UGT1A9: variants seen among roughly 807,000 people sequenced by gnomAD.
UGT1A9 encodes the protein UDP glucuronosyltransferase family 1 member A9.
Under a neutral mutation model 45.0 loss-of-function variants are expected in UGT1A9, and 35 were observed. The ratio of observed to expected loss-of-function variants is 0.78; its 90% CI spans 0.59 to 1.03. The LOEUF is 1.03. Among genes scored for constraint, UGT1A9 ranks in the 50% least tolerant of loss-of-function variants. The pLI is 0.00. For synonymous variants in UGT1A9, 278 were observed against 250.6 expected, an observed-to-expected ratio of 1.11 and a Z score of -1.03; for missense variants, 687 against 666.6, an observed-to-expected ratio of 1.03 and a Z score of -0.34.
At chr2:233,677,609 G>A (rs2125511914) in intron 1 of UGT1A9, among the ~76,000 whole-genome samples, 1 of 152,086 alleles carries the variant, frequency 6.6e-6, no homozygotes, top group Middle Eastern at 3.4e-3. Flanking sequence ...GAAAAATGAA[G>A]ATGAAAACCA....
rs140117903 is a variant in UGT1A9, at chr2:233,736,068, T to A, written c.856-30966T>A. On this transcript the variant is annotated intron_variant, in intron 1 of 4. Transcript: ENST00000354728. ...TTGAATGTTGGCCTGCCTTGCTAGG[T>A]TTGGGAAGTTCTCCTGGATAATATC... Among the ~76,000 whole-genome samples, 1,506 of 152,332 alleles carry A rather than the reference T, an allele frequency of 9.9e-3. 21 individuals carry two copies. Among genetic ancestry groups the A allele is most frequent in the African/African-American group, 0.035 (1,437 of 41,570 alleles).
intron 4 of UGT1A9, among the ~76,000 whole-genome samples, chr2:233,768,740 G>A (rs6431630): frequency 0.18 from 26,721 of 151,438 alleles, 3,378 homozygotes; most frequent in African/African-American, 0.35. Context: ...CCACCACCAC[G>A]CCCGGTTAAT....
In UGT1A9 at chr2:233,733,060, C is replaced by G. The variant is rs187398935; in HGVS notation, c.856-33974C>G. Among the ~76,000 whole-genome samples the G allele has an allele frequency of 7.2e-5, 11 of 152,200 alleles. No individual in the cohort carries two copies. The East Asian group carries it at 2.1e-3, about 29-fold the overall frequency. ...AAGTTGGATTCCTAGGTATTTTATT[C>G]TCTTTGTAGCAATTGTGAATGGGAG... is the stretch of plus-strand genomic sequence containing the variant. On this transcript the variant is annotated intron_variant, in intron 1 of 4. Transcript: ENST00000354728.
chr2:233,766,051 C>T (rs552293215), intron 1 of UGT1A9, among the ~76,000 whole-genome samples: 2 of 152,294 alleles, frequency 1.3e-5, no homozygotes, highest in African/African-American at 2.4e-5. Flanking sequence ...CTTGTGTTAA[C>T]CAGCTCAATT....
intron 1 of UGT1A9, chr2:233,743,191 C>T (rs1334858681): frequency 2.7e-6 from 1 of 376,140 alleles, no homozygotes; most frequent in East Asian, 7.3e-5. Flanking sequence ...ACTGGAATTA[C>T]TTGGTGTCAA....
At chr2:233,730,253 A>G (rs1350953092) in intron 1 of UGT1A9, among the ~76,000 whole-genome samples, 3 of 152,152 alleles carry the variant, frequency 2.0e-5, no homozygotes, top group Non-Finnish European at 4.4e-5. Context: ...TGTGACTCAT[A>G]GAGACTGTTG....
chr2:233,730,924 C>G (rs2078090552), intron 1 of UGT1A9, among the ~76,000 whole-genome samples: 1 of 152,176 alleles, frequency 6.6e-6, no homozygotes, highest in Non-Finnish European at 1.5e-5. Context: ...AGGCAGCTTT[C>G]ATTAATCCAG....
chr2:233,703,623 A>G (rs971419839), intron 1 of UGT1A9, among the ~76,000 whole-genome samples: 1 of 151,992 alleles, frequency 6.6e-6, no homozygotes, highest in Non-Finnish European at 1.5e-5. Flanking sequence ...AGTCTATTTT[A>G]TCTGATATTA....
intron 4 of UGT1A9, chr2:233,771,640 G>C (rs183876140): frequency 4.5e-4 from 68 of 152,464 alleles, no homozygotes; most frequent in African/African-American, 1.6e-3. Context: ...TTATTTTACT[G>C]TATGAAAATA....
At chr2:233,731,661 C>T (rs2078189507) in intron 1 of UGT1A9, among the ~76,000 whole-genome samples, 1 of 152,192 alleles carries the variant, frequency 6.6e-6, no homozygotes, top group South Asian at 2.1e-4. Flanking sequence ...ATATGTGCCA[C>T]ATTTTCTTAA....
intron 1 of UGT1A9, chr2:233,760,271 G>GC: frequency 2.5e-6 from 4 of 1,612,226 alleles, no homozygotes; most frequent in Non-Finnish European, 3.4e-6. Context: ...CGAACCTCTG[G>GC]CAGGAGCAAA....
intron 1 of UGT1A9, chr2:233,743,283 G>A: frequency 2.0e-6 from 1 of 501,770 alleles, no homozygotes. Context: ...CCCTTTCTTG[G>A]CCATTCTCAA....
chr2:233,772,866 T>C lies in UGT1A9; in HGVS notation c.*307T>C. ...TTTTCTTACTCTGAAACATGGCCTGTTTGGGAGTGCGGGATTCAAAGGTGG... is the reference window on the plus strand; with the variant it reads ...TTTTCTTACTCTGAAACATGGCCTGCTTGGGAGTGCGGGATTCAAAGGTGG... On this transcript the variant is annotated 3_prime_UTR_variant, in exon 5 of 5. Transcript: ENST00000354728. 1 of 650,978 alleles carries C rather than the reference T, an allele frequency of 1.5e-6. No homozygotes were observed. The highest frequency in any genetic ancestry group is 2.3e-6 in the Non-Finnish European group (1 of 438,192). 40.3% of individuals were successfully genotyped at this position (650,978 alleles called of 1,614,324 possible). A position where few individuals can be genotyped will look rare whatever the true frequency, so the allele number is the denominator to read the frequency against.
chr2:233,712,529 C>A (rs1162608950), intron 1 of UGT1A9, among the ~76,000 whole-genome samples: 3 of 152,310 alleles, frequency 2.0e-5, no homozygotes, highest in Middle Eastern at 3.4e-3. Flanking sequence ...TGCTGTGTTA[C>A]CCATATGTGG....
intron 1 of UGT1A9, among the ~76,000 whole-genome samples, chr2:233,674,127 T>C (rs998986174): frequency 5.9e-5 from 9 of 152,216 alleles, no homozygotes; most frequent in Non-Finnish European, 1.2e-4. Context: ...TCTATTGTTC[T>C]GGCTCCTTAC....
chr2:233,678,981 G>C (rs369461061), intron 1 of UGT1A9, among the ~76,000 whole-genome samples: 1 of 152,188 alleles, frequency 6.6e-6, no homozygotes, highest in Non-Finnish European at 1.5e-5. Flanking sequence ...GGCTTTCAAA[G>C]CTCTTTCTAT....
intron 1 of UGT1A9, among the ~76,000 whole-genome samples, chr2:233,764,026 T>C (rs980223655): frequency 5.3e-5 from 8 of 152,158 alleles, no homozygotes; most frequent in African/African-American, 1.9e-4. Flanking sequence ...GGTGTCTAAG[T>C]GCTAAAGAAG....
At chr2:233,704,603 G>T (rs1341445338) in intron 1 of UGT1A9, among the ~76,000 whole-genome samples, 1 of 152,070 alleles carries the variant, frequency 6.6e-6, no homozygotes, top group African/African-American at 2.4e-5. Context: ...AGAAGAGCAA[G>T]TATGTATTTA....
chr2:233,768,048 T>A, intron 3 of UGT1A9, 112 bp downstream of exon 3: 1 of 1,607,556 alleles, frequency 6.2e-7, no homozygotes, highest in Non-Finnish European at 8.5e-7. Flanking sequence ...GGCCAACATA[T>A]CCTACATTGC....
Sources: gnomAD v4.1 joint callset for allele counts (sites outside exome capture counted in the v4.1 genomes callset) on GRCh38, gnomAD v4.1.1 for gene constraint, MANE v1.5 for transcripts, NCBI Gene and HGNC (gene_info 2026-07-23, HGNC 2026-07-21) for gene names.